PHGDH: variants seen among roughly 807,000 people sequenced by gnomAD.
PHGDH encodes the protein phosphoglycerate dehydrogenase, also known as D-3-phosphoglycerate dehydrogenase.
PHGDH carries 50 observed loss-of-function variants against 52.6 expected under a neutral mutation model. That is an observed-to-expected ratio of 0.95 (90% CI 0.76 to 1.20). The LOEUF (loss-of-function observed/expected upper bound fraction) is 1.20. PHGDH is among the 50% of genes most tolerant of loss of function. PHGDH has a pLI of 0.00. For synonymous variants in PHGDH, 271 were observed against 280.5 expected (o/e 0.97, Z 0.34); for missense variants, 630 against 684.6 (o/e 0.92, Z 0.89).
At position 119,712,130 on chromosome 1, in the gene PHGDH, T is replaced by C; in HGVS notation, c.108T>C (p.Leu36=). Residue 36 remains leucine, a synonymous_variant, in exon 1 of 12, where the codon CTT becomes CTC. Coordinates refer to ENST00000641023, the MANE Select transcript of PHGDH (RefSeq NM_006623.4). ...TGCAGGTGGTGGAAAAGCAGAACCT[T>C]AGCAAAGAGGAGCTGATAGCGGAGC... ...GGLQVVEKQN[L]SKEELIAELQ... 1 of 1,614,002 alleles carries C rather than the reference T, an allele frequency of 6.2e-7. No homozygotes were observed. Among genetic ancestry groups the C allele is most frequent in the Non-Finnish European group, 8.5e-7 (1 of 1,179,964 alleles).
intron 1 of PHGDH, chr1:119,713,177 A>G (rs1188489738): frequency 6.6e-6 from 1 of 152,430 alleles, no homozygotes; most frequent in Non-Finnish European, 1.5e-5. Flanking sequence ...CACCTGATCC[A>G]GTATATTCTC....
Position 119,743,478 on chromosome 1 carries a change from T to C in PHGDH, c.1448-408T>C, listed in dbSNP as rs587751898. 7.2e-5 allele frequency among the ~76,000 whole-genome samples: 11 copies of C among 152,298 alleles called. 1 individual carries two copies. In the East Asian group the frequency reaches 2.1e-3, roughly 30 times the overall value. On this transcript the variant is annotated intron_variant, in intron 11 of 11. Transcript: ENST00000641023. ...AAAGCCTCCAGCCATGGTAGGCGTCTTGGACCTGCCCCAGTCAGCTGGGGC... is the reference window on the plus strand; with the variant it reads ...AAAGCCTCCAGCCATGGTAGGCGTCCTGGACCTGCCCCAGTCAGCTGGGGC...
chr1:119,732,839 G>C (rs924295095), intron 5 of PHGDH, among the ~76,000 whole-genome samples: 3 of 152,188 alleles, frequency 2.0e-5, no homozygotes, highest in Non-Finnish European at 4.4e-5. Context: ...CCCCCAGGTT[G>C]TTCTTGGCTC....
intron 8 of PHGDH, among the ~76,000 whole-genome samples, chr1:119,739,181 T>C (rs1475172614): frequency 6.6e-6 from 1 of 152,196 alleles, no homozygotes; most frequent in East Asian, 1.9e-4. Context: ...CTGAGAATCC[T>C]CCTTTTACTT....
chr1:119,730,936 G>A (rs1489959147), intron 5 of PHGDH, among the ~76,000 whole-genome samples: 1 of 152,130 alleles, frequency 6.6e-6, no homozygotes, highest in Non-Finnish European at 1.5e-5. Context: ...AATACTTAAG[G>A]GTGCAGAATC....
chr1:119,733,877 T>C (rs1183990337), intron 5 of PHGDH, among the ~76,000 whole-genome samples: 2 of 152,174 alleles, frequency 1.3e-5, no homozygotes, highest in East Asian at 3.9e-4. Flanking sequence ...TTCCCAGTGA[T>C]TGAATGTGAG....
chr1:119,736,050 C>T (rs942003813), intron 7 of PHGDH, among the ~76,000 whole-genome samples: 5 of 152,198 alleles, frequency 3.3e-5, no homozygotes, highest in African/African-American at 1.2e-4. Flanking sequence ...CTGTCCCCAA[C>T]ATTGGAGCTT....
intron 5 of PHGDH, chr1:119,734,416 A>C (rs979950064): frequency 1.9e-5 from 11 of 568,768 alleles, no homozygotes; most frequent in Non-Finnish European, 2.9e-5. Context: ...TGTGGTCATG[A>C]GAATTAATTA....
intron 5 of PHGDH, chr1:119,730,071 T>G (rs1651626540): frequency 6.6e-6 from 1 of 152,172 alleles, no homozygotes; most frequent in Non-Finnish European, 1.5e-5. Context: ...GCTGCTTACC[T>G]CAACCACGTC....
Position 119,735,561 on chromosome 1 carries a change from A to T in PHGDH, c.792+118A>T, listed in dbSNP as rs910723981. On this transcript the variant is annotated intron_variant, in intron 7 of 11. Transcript: ENST00000641023. ...CTCTAGCTTATTGTCTCTTTCATCC[A>T]TGGTAAAAGGAGAAAACTGTGTTGC... is the stretch of plus-strand genomic sequence containing the variant. 3 of 1,095,288 alleles carry T rather than the reference A, an allele frequency of 2.7e-6. No homozygotes were observed. In the African/African-American group the frequency reaches 4.6e-5, roughly 17 times the overall value. The allele number at this position is 1,095,288 out of a possible 1,614,324, so 67.8% of individuals were successfully genotyped here. A position where few individuals can be genotyped will look rare whatever the true frequency, so the allele number is the denominator to read the frequency against.
intron 10 of PHGDH, chr1:119,742,296 T>A: frequency 2.8e-6 from 1 of 361,756 alleles, no homozygotes; most frequent in East Asian, 7.0e-5. Context: ...CCCTGCTGCC[T>A]TGCACGGCTT....
chr1:119,726,179 A>T (rs1570997335), intron 3 of PHGDH, among the ~76,000 whole-genome samples: 1 of 131,174 alleles, frequency 7.6e-6, no homozygotes, highest in Non-Finnish European at 1.6e-5. Context: ...GGCTGTGAAG[A>T]GTGTGTGTGT....
intron 1 of PHGDH, chr1:119,720,726 A>C (rs756474267): frequency 4.5e-5 from 11 of 245,306 alleles, no homozygotes; most frequent in Non-Finnish European, 7.3e-5. Flanking sequence ...TGGATATATC[A>C]AAATCAGCCA....
Position 119,740,913 on chromosome 1 carries a change from T to C in PHGDH, c.1078+395T>C, listed in dbSNP as rs587605908. Among the ~76,000 whole-genome samples the C allele has an allele frequency of 6.6e-5, 10 of 152,300 alleles. No homozygotes were observed. The East Asian group carries it at 1.7e-3, about 27-fold the overall frequency. The stretch of plus-strand genomic sequence containing the variant: ...TTCCCTGCTGTGTGACTCTCCCTTC[T>C]GAGGCTTGGATTCTTCACTTGTAAA... On this transcript the variant is annotated intron_variant, in intron 9 of 11. Coordinates refer to ENST00000641023, the MANE Select transcript of PHGDH (RefSeq NM_006623.4).
chr1:119,740,457 G>A lies in PHGDH; in HGVS notation c.1017G>A (p.Leu339=), dbSNP rs768115742. ...CTTGGATTGGTCTGGCAGAAGCTCT[G>A]GGGACACTGATGCGAGCCTGGGCTG... ...TKPWIGLAEA[L]GTLMRAWAGS... Residue 339 remains leucine (L), a synonymous_variant, in exon 9 of 12, where the codon CTG becomes CTA. Coordinates refer to ENST00000641023, the MANE Select transcript of PHGDH (RefSeq NM_006623.4). 2.5e-6 allele frequency: 4 copies of A among 1,611,686 alleles called. No homozygotes were observed. In the African/African-American group the frequency reaches 4.0e-5, roughly 16 times the overall value.
intron 3 of PHGDH, chr1:119,724,842 T>C (rs1240438783): frequency 4.4e-6 from 2 of 456,098 alleles, no homozygotes; most frequent in Non-Finnish European, 8.8e-6. Flanking sequence ...AGCTCCCCAT[T>C]GTCAACTGCT....
At position 119,743,038 on chromosome 1, in the gene PHGDH, A is replaced by C; in HGVS notation, c.1441A>C (p.Met481Leu). 1 of 1,603,884 alleles carries C rather than the reference A, an allele frequency of 6.2e-7. No homozygotes were observed. The highest frequency in any genetic ancestry group is 8.5e-7 in the Non-Finnish European group (1 of 1,170,638). The change falls in exon 11 of 12, where the codon ATG (methionine) becomes CTG (leucine). Residue 481 changes from methionine to leucine, a missense_variant. Physicochemically the swap from Met to Leu is conservative, Grantham distance 15. Coordinates refer to ENST00000641023, the MANE Select transcript of PHGDH (RefSeq NM_006623.4). Reference protein sequence around the residue: ...QTSDPAMLPTMIGLLAEAGVR... With the variant: ...QTSDPAMLPTLIGLLAEAGVR... ...CTCTGACCCTGCAATGCTGCCTACC[A>C]TGATTGGTGAGGAGGGCCCTGTAGG...
chr1:119,721,334 G>A lies in PHGDH; in HGVS notation c.290+13G>A. 3 of 1,611,588 alleles carry A rather than the reference G, an allele frequency of 1.9e-6. No individual in the cohort carries two copies. Among genetic ancestry groups the A allele is most frequent in the Non-Finnish European group, 2.5e-6 (3 of 1,178,446 alleles). ...TCTTGGTTATGAAGTAAGTCATGGAGGCTGCGGGCGGTTTGGGGGTAGGGG... is the reference window on the plus strand; with the variant it reads ...TCTTGGTTATGAAGTAAGTCATGGAAGCTGCGGGCGGTTTGGGGGTAGGGG... On this transcript the variant is annotated intron_variant, in intron 2 of 11. Transcript: ENST00000641023.
At chr1:119,715,989 C>G (rs1341209682) in intron 1 of PHGDH, 1 of 152,490 alleles carries the variant, frequency 6.6e-6, no homozygotes, top group African/African-American at 2.4e-5. Context: ...CAGCTTGGGG[C>G]AAAGTCTTTG....
Sources: allele counts gnomAD v4.1 joint callset (sites outside exome capture counted in the v4.1 genomes callset), GRCh38; gene constraint gnomAD v4.1.1; transcripts MANE v1.5; gene names NCBI Gene and HGNC (gene_info 2026-07-23, HGNC 2026-07-21).